TNRC18: variants seen among roughly 807,000 people sequenced by gnomAD.
The protein encoded by TNRC18 is trinucleotide repeat-containing gene 18 protein.
A neutral mutation model predicts 226.7 loss-of-function variants in TNRC18; 69 were observed. The ratio of observed to expected loss-of-function variants is 0.30; its 90% CI spans 0.25 to 0.37. TNRC18 has a LOEUF of 0.37. TNRC18 is among the 10% of genes least tolerant of loss of function. The pLI is 1.00. For missense variants in TNRC18, 4,754 were observed against 4,256.6 expected, an observed-to-expected ratio of 1.12 and a Z score of -3.25; for synonymous variants, 2,449 against 1,927.6, an observed-to-expected ratio of 1.27 and a Z score of -7.09.
intron 18 of TNRC18, among the ~76,000 whole-genome samples, chr7:5,337,252 T>C (rs1264065853): frequency 1.3e-5 from 2 of 149,880 alleles, no homozygotes; most frequent in Non-Finnish European, 3.0e-5. Flanking sequence ...AAAAAAACTG[T>C]CAACCCAAAA....
chr7:5,398,666 G>A (rs1279190668), intron 2 of TNRC18, among the ~76,000 whole-genome samples: 1 of 150,864 alleles, frequency 6.6e-6, no homozygotes, highest in South Asian at 2.1e-4. Flanking sequence ...CACCCAGGCT[G>A]TAGTGCAGTG....
At chr7:5,323,026 A>C (rs1788533114) in intron 21 of TNRC18, among the ~76,000 whole-genome samples, 1 of 152,134 alleles carries the variant, frequency 6.6e-6, no homozygotes, top group Non-Finnish European at 1.5e-5. Context: ...AGGACCACAG[A>C]CCTGGAGCAG....
At chr7:5,389,380 C>A in intron 4 of TNRC18, 44 bp from the exon 5 acceptor site, 1 of 1,232,920 alleles carries the variant, frequency 8.1e-7, no homozygotes, top group South Asian at 3.7e-5. Context: ...CGCCACCTCC[C>A]CTCCCACCCC....
intron 18 of TNRC18, 45 bp downstream of exon 18, chr7:5,345,517 G>GGGGGGGCCTGCCCCCCACCCCCCCAC: frequency 2.6e-6 from 1 of 377,744 alleles, no homozygotes; most frequent in Non-Finnish European, 4.8e-6. Flanking sequence ...AATGGCGTCC[G>GGGGGGGCCTGCCCCCCACCCCCCCAC]CCCCTCCCAC....
At chr7:5,422,035 T>TG (rs946287568) in intron 1 of TNRC18, among the ~76,000 whole-genome samples, 5 of 151,822 alleles carry the variant, frequency 3.3e-5, no homozygotes, top group African/African-American at 1.2e-4. Flanking sequence ...GGTGTTTTTC[T>TG]GGGGGTGGGA....
At chr7:5,379,195 C>G (rs1451669417) in intron 5 of TNRC18, among the ~76,000 whole-genome samples, 1 of 146,590 alleles carries the variant, frequency 6.8e-6, no homozygotes, top group Non-Finnish European at 1.5e-5. Context: ...AATAAGACTC[C>G]GTCAAAAAAA....
At chr7:5,338,029 G>A (rs1016384507) in intron 18 of TNRC18, among the ~76,000 whole-genome samples, 1 of 151,994 alleles carries the variant, frequency 6.6e-6, no homozygotes, top group East Asian at 1.9e-4. Flanking sequence ...TGTCTTTAGG[G>A]GTTGATACCA....
Position 5,388,147 on chromosome 7 carries a change from G to A in TNRC18, c.1677C>T (p.Pro559=), listed in dbSNP as rs1313249196. Residue 559 remains proline (P), a synonymous_variant, in exon 5 of 30, where the codon CCC becomes CCT. Coordinates refer to ENST00000430969, the MANE Select transcript of TNRC18 (RefSeq NM_001080495.3). ...KAYLDPGAVL[P]RSAATCGRPV... Reference sequence around the variant, plus strand: ...GCCGGCCGCAGGTGGCCGCCGAGCGGGGCAGCACAGCCCCAGGGTCCAGGT... The same window carrying A: ...GCCGGCCGCAGGTGGCCGCCGAGCGAGGCAGCACAGCCCCAGGGTCCAGGT... 2 of 1,564,914 alleles carry A rather than the reference G, an allele frequency of 1.3e-6. No individual in the cohort carries two copies. The highest frequency in any genetic ancestry group is 2.7e-5 in the African/African-American group (2 of 73,816).
At chr7:5,397,806 C>A (rs963527155) in intron 2 of TNRC18, among the ~76,000 whole-genome samples, 2 of 152,148 alleles carry the variant, frequency 1.3e-5, no homozygotes, top group African/African-American at 4.8e-5. Context: ...TGACCACCCA[C>A]AACCCCTCGG....
intron 16 of TNRC18, among the ~76,000 whole-genome samples, chr7:5,355,722 T>C (rs541379448): frequency 6.6e-6 from 1 of 151,798 alleles, no homozygotes; most frequent in African/African-American, 2.4e-5. Context: ...CTACAAAAAA[T>C]TTTAAAAATT....
At chr7:5,350,449 G>A (rs956674270) in intron 17 of TNRC18, among the ~76,000 whole-genome samples, 1 of 145,488 alleles carries the variant, frequency 6.9e-6, no homozygotes, top group African/African-American at 2.5e-5. Flanking sequence ...GGGGGCGGGG[G>A]CAGCATTCAG....
intron 18 of TNRC18, among the ~76,000 whole-genome samples, chr7:5,337,484 A>AAG (rs1172845178): frequency 6.6e-6 from 1 of 151,474 alleles, no homozygotes; most frequent in East Asian, 1.9e-4. Context: ...ACTGTTTCAA[A>AAG]AAAAAAAAAG....
chr7:5,338,389 T>C (rs570422548), intron 18 of TNRC18, among the ~76,000 whole-genome samples: 48 of 152,096 alleles, frequency 3.2e-4, no homozygotes, highest in African/African-American at 1.1e-3. Flanking sequence ...GCTATACTAA[T>C]AACAAACAAA....
At position 5,312,484 on chromosome 7, in the gene TNRC18, C is replaced by A. The variant is rs1313633608; in HGVS notation, c.8388+19G>T. The stretch of plus-strand genomic sequence containing the variant: ...AGGCCCCCGGCCCCTCGGCCGTGCC[C>A]GGGCGCGAGCTTGCTCACCTGGGTG... On this transcript the variant is annotated intron_variant, in intron 27 of 29. Coordinates refer to ENST00000430969, the MANE Select transcript of TNRC18 (RefSeq NM_001080495.3). This position sits in a 1 kb window ranked among gnomAD's most constrained non-coding sequence, Gnocchi z 6.3. The A allele has an allele frequency of 6.2e-7, 1 of 1,607,946 alleles. No individual in the cohort carries two copies. The highest frequency in any genetic ancestry group is 8.5e-7 in the Non-Finnish European group (1 of 1,178,468).
intron 9 of TNRC18, 54 bp downstream of exon 9, chr7:5,375,980 T>C: frequency 6.7e-7 from 1 of 1,503,230 alleles, no homozygotes; most frequent in South Asian, 1.2e-5. Context: ...CTCGTCTGCC[T>C]CGTCACCCAT....
rs560820937 is a variant in TNRC18 at position 5,308,872 on chromosome 7, T to G, written c.8700+3A>C. 241 of 478,224 alleles carry G rather than the reference T, an allele frequency of 5.0e-4. No individual in the cohort carries two copies. The Middle Eastern group carries it at 5.4e-3, about 11-fold the overall frequency. The allele number at this position is 478,224 out of a possible 1,614,324, so 29.6% of individuals were successfully genotyped here. On this transcript the variant is annotated splice_donor_region_variant and intron_variant, in intron 29 of 29. Coordinates refer to ENST00000430969, the MANE Select transcript of TNRC18 (RefSeq NM_001080495.3). ...GCCCACCACCACCACCACCACCACC[T>G]ACCTCCATGAAGTCCTTCCTCTGGC... is the stretch of plus-strand genomic sequence containing the variant.
At chr7:5,352,276 C>CTTCT (rs965543078) in intron 16 of TNRC18, among the ~76,000 whole-genome samples, 182 bp from the exon 17 acceptor site, 2 of 152,240 alleles carry the variant, frequency 1.3e-5, no homozygotes, top group African/African-American at 4.8e-5. Context: ...CCAGTCCAGG[C>CTTCT]TTCTCCCTTG....
rs1360838000 is a variant in TNRC18, at chr7:5,312,208, G to A, written c.8388+295C>T. Among the ~76,000 whole-genome samples the A allele has an allele frequency of 6.6e-6, 1 of 152,232 alleles. No homozygotes were observed. Among genetic ancestry groups the A allele is most frequent in the Non-Finnish European group, 1.5e-5 (1 of 68,040 alleles). ...ACGTGGCGCCGACGCCTGTGGGTCT[G>A]TGCTGATCTTTGCACGTTTCCTTCA... On this transcript the variant is annotated intron_variant, in intron 27 of 29. Transcript: ENST00000430969. The surrounding 1 kb of genome is among the most constrained non-coding windows in gnomAD (Gnocchi z 6.3).
intron 17 of TNRC18, among the ~76,000 whole-genome samples, chr7:5,347,830 C>G (rs972963052): frequency 1.3e-5 from 2 of 151,986 alleles, no homozygotes; most frequent in African/African-American, 4.8e-5. Flanking sequence ...TGGCGGACAC[C>G]TGTAATCCCG....
Sources: allele counts gnomAD v4.1 joint callset (sites outside exome capture counted in the v4.1 genomes callset), GRCh38; gene constraint gnomAD v4.1.1; non-coding constraint Gnocchi (gnomAD v3.1); transcripts MANE v1.5; gene names NCBI Gene and HGNC (gene_info 2026-07-23, HGNC 2026-07-21).